Variants in CACNB2 observed in about 807,000 individuals in gnomAD.
The protein encoded by CACNB2 is calcium voltage-gated channel auxiliary subunit beta 2, also known as voltage-dependent L-type calcium channel subunit beta-2.
Under a neutral mutation model 73.3 loss-of-function variants are expected in CACNB2, and 42 were observed. The observed-to-expected ratio is 0.57, with a 90% confidence interval of 0.45 to 0.74. The LOEUF (loss-of-function observed/expected upper bound fraction) is 0.74, where lower values mean the gene tolerates loss of function less well. Ranked by LOEUF, CACNB2 falls within the 30% of genes least tolerant of loss-of-function variation. CACNB2 has a pLI of 0.00. For missense variants in CACNB2, 940 were observed against 853.0 expected (o/e 1.10, Z -1.27); for synonymous variants, 348 against 310.3 (o/e 1.12, Z -1.28).
intron 3 of CACNB2, among the ~76,000 whole-genome samples, chr10:18,471,248 T>C (rs2048173369): frequency 6.6e-6 from 1 of 151,936 alleles, no homozygotes; most frequent in African/African-American, 2.4e-5. Flanking sequence ...GGAGGTTGCA[T>C]TGAGCCAAGA....
intron 2 of CACNB2, among the ~76,000 whole-genome samples, chr10:18,273,897 C>T (rs2038162817): frequency 6.6e-6 from 1 of 152,190 alleles, no homozygotes; most frequent in Non-Finnish European, 1.5e-5. Flanking sequence ...ACTTTAACTA[C>T]TAGATCCAGT....
chr10:18,314,469 G>GT lies in CACNB2; in HGVS notation c.214-87445dup, dbSNP rs1415044400. On this transcript the variant is annotated intron_variant, in intron 2 of 13. Transcript: ENST00000324631. ...GTTTGTTACATCAGTAAATATCAGG[G>GT]TTTTTTTTTTCTGTTTTTCCTCCTT... Among the ~76,000 whole-genome samples the GT allele has an allele frequency of 6.5e-3, 968 of 147,808 alleles. 10 individuals are homozygous for GT. The highest frequency in any genetic ancestry group is 0.022 in the African/African-American group (870 of 40,336).
intron 2 of CACNB2, among the ~76,000 whole-genome samples, chr10:18,342,768 C>A (rs1174537273): frequency 2.6e-5 from 4 of 151,950 alleles, no homozygotes; most frequent in Non-Finnish European, 5.9e-5. Flanking sequence ...CCAATAATGA[C>A]AGAAATTCTT....
At chr10:18,188,022 T>C (rs111525193) in intron 2 of CACNB2, among the ~76,000 whole-genome samples, 2 of 152,226 alleles carry the variant, frequency 1.3e-5, no homozygotes, top group Admixed American at 6.5e-5. Flanking sequence ...AGGTAGAGAG[T>C]AGGATCTGCT....
intron 2 of CACNB2, among the ~76,000 whole-genome samples, chr10:18,277,556 G>A (rs2038352699): frequency 1.3e-5 from 2 of 152,206 alleles, no homozygotes; most frequent in African/African-American, 2.4e-5. Flanking sequence ...AAGCTTAAAT[G>A]ATGCGACATG....
chr10:18,260,844 A>C (rs547141848), intron 2 of CACNB2: 1 of 1,076,400 alleles, frequency 9.3e-7, no homozygotes, highest in Admixed American at 4.7e-5. Context: ...AGAGTACTGC[A>C]GGGTCGCGAA....
intron 2 of CACNB2, among the ~76,000 whole-genome samples, chr10:18,381,364 T>C (rs1026836164): frequency 1.3e-5 from 2 of 151,994 alleles, no homozygotes; most frequent in African/African-American, 4.8e-5. Flanking sequence ...GCTAAGCATG[T>C]GTATGCCCTA....
At chr10:18,352,577 C>A (rs952080102) in intron 2 of CACNB2, among the ~76,000 whole-genome samples, 3 of 152,162 alleles carry the variant, frequency 2.0e-5, no homozygotes, top group Non-Finnish European at 4.4e-5. Flanking sequence ...AGTTTTGCTA[C>A]CCACTTGTTG....
At chr10:18,353,662 A>C (rs561991846) in intron 2 of CACNB2, among the ~76,000 whole-genome samples, 3 of 152,200 alleles carry the variant, frequency 2.0e-5, no homozygotes, top group Non-Finnish European at 4.4e-5. Context: ...AAAGAATACA[A>C]TATTCCAGGG....
At chr10:18,289,812 A>G (rs538894877) in intron 2 of CACNB2, among the ~76,000 whole-genome samples, 128 of 152,248 alleles carry the variant, frequency 8.4e-4, no homozygotes, top group African/African-American at 3.0e-3. Flanking sequence ...ATTTTACTCC[A>G]AAATATGTTT....
At chr10:18,179,809 C>T (rs2033784577) in intron 2 of CACNB2, among the ~76,000 whole-genome samples, 1 of 152,156 alleles carries the variant, frequency 6.6e-6, no homozygotes, top group Non-Finnish European at 1.5e-5. Context: ...AGACAAGTCA[C>T]TCAAACTAAA....
rs34680296 is a variant in CACNB2 at position 18,400,640 on chromosome 10, GT to G, written c.214-1267del. ...TGTCACTGCATACGTTTTTGCACTA[GT>G]TTTTTTTTTTTTTTTTCTGCGATTC... On this transcript the variant is annotated intron_variant, in intron 2 of 13. Transcript: ENST00000324631. The G allele has an allele frequency of 0.46, 426,067 of 928,234 alleles. 27,491 individuals carry two copies. Among genetic ancestry groups the G allele is most frequent in the African/African-American group, 0.62 (31,701 of 51,178 alleles). The allele number at this position is 928,234 out of a possible 1,614,324, so 57.5% of individuals were successfully genotyped here. A position where few individuals can be genotyped will look rare whatever the true frequency, so the allele number is the denominator to read the frequency against.
At chr10:18,290,383 G>A (rs1208778151) in intron 2 of CACNB2, among the ~76,000 whole-genome samples, 2 of 151,866 alleles carry the variant, frequency 1.3e-5, no homozygotes, top group African/African-American at 4.8e-5. Flanking sequence ...TTGAGGCTGA[G>A]TATATATAAA....
chr10:18,429,982 A>G (rs1281739260), intron 3 of CACNB2, among the ~76,000 whole-genome samples: 3 of 152,090 alleles, frequency 2.0e-5, no homozygotes, highest in Non-Finnish European at 4.4e-5. Flanking sequence ...CTGTCTCAAA[A>G]AACAAAACAA....
At chr10:18,295,907 A>T (rs2039258702) in intron 2 of CACNB2, among the ~76,000 whole-genome samples, 1 of 151,876 alleles carries the variant, frequency 6.6e-6, no homozygotes. Flanking sequence ...TCTGCCAGGG[A>T]CAGAAGTCCA....
intron 2 of CACNB2, among the ~76,000 whole-genome samples, chr10:18,278,534 AC>A (rs1366672526): frequency 4.6e-5 from 7 of 152,042 alleles, no homozygotes; most frequent in East Asian, 1.9e-4. Context: ...TGAGAGAAAA[AC>A]AAAGAAAATG....
chr10:18,496,000 A>C (rs1258685144), intron 3 of CACNB2, among the ~76,000 whole-genome samples: 1 of 152,006 alleles, frequency 6.6e-6, no homozygotes, highest in Non-Finnish European at 1.5e-5. Context: ...AGCCTGGCCA[A>C]TATGGTGAAA....
At chr10:18,507,243 G>A (rs1007872956) in intron 6 of CACNB2, among the ~76,000 whole-genome samples, 1 of 152,190 alleles carries the variant, frequency 6.6e-6, no homozygotes, top group African/African-American at 2.4e-5. Flanking sequence ...GTAAGGAACA[G>A]AGGGTAAAGT....
chr10:18,361,509 AAAAG>A (rs1353413755), intron 2 of CACNB2, among the ~76,000 whole-genome samples: 5 of 151,676 alleles, frequency 3.3e-5, no homozygotes, highest in South Asian at 2.1e-4. Context: ...AAAAAAAAAA[AAAAG>A]AAAGAAAGAA....
Sources: allele counts gnomAD v4.1 joint callset (sites outside exome capture counted in the v4.1 genomes callset), GRCh38; gene constraint gnomAD v4.1.1; transcripts MANE v1.5; gene names NCBI Gene and HGNC (gene_info 2026-07-23, HGNC 2026-07-21).